GPATCH2: variants seen among roughly 807,000 people sequenced by gnomAD.
GPATCH2 encodes G-patch domain containing 2.
A neutral mutation model predicts 58.0 loss-of-function variants in GPATCH2; 51 were observed. That is an observed-to-expected ratio of 0.88 (90% CI 0.70 to 1.11). The LOEUF is 1.11. Ranked by LOEUF, GPATCH2 falls within the 50% of genes most tolerant of loss-of-function variation. The pLI is 0.00. For synonymous variants in GPATCH2, 222 were observed against 218.5 expected (o/e 1.02, Z -0.14); for missense variants, 625 against 652.2 (o/e 0.96, Z 0.45).
At chr1:217,553,672 T>A (rs773174496) in intron 5 of GPATCH2, among the ~76,000 whole-genome samples, 1 of 152,172 alleles carries the variant, frequency 6.6e-6, no homozygotes, top group African/African-American at 2.4e-5. Flanking sequence ...AAAGGAACAA[T>A]AAATGCATTC....
chr1:217,488,113 A>AT (rs1321853796), intron 8 of GPATCH2, among the ~76,000 whole-genome samples: 1 of 152,182 alleles, frequency 6.6e-6, no homozygotes. Flanking sequence ...AAAGGAATAT[A>AT]TTTTTTATGA....
intron 5 of GPATCH2, among the ~76,000 whole-genome samples, chr1:217,585,545 G>T (rs1166660992): frequency 6.6e-6 from 1 of 151,936 alleles, no homozygotes; most frequent in African/African-American, 2.4e-5. Flanking sequence ...GCTTGAACCT[G>T]GGAGGCAGAG....
chr1:217,543,381 T>C (rs1664855332), intron 5 of GPATCH2, among the ~76,000 whole-genome samples: 1 of 148,944 alleles, frequency 6.7e-6, no homozygotes, highest in Non-Finnish European at 1.5e-5. Context: ...GCCATTCTCC[T>C]GCCTCAGCCT....
chr1:217,519,749 A>T (rs1571849124), intron 5 of GPATCH2, among the ~76,000 whole-genome samples: 1 of 152,224 alleles, frequency 6.6e-6, no homozygotes, highest in African/African-American at 2.4e-5. Flanking sequence ...CTAGCACCTT[A>T]TGCAGCCACT....
chr1:217,567,132 C>T (rs1666286947), intron 5 of GPATCH2, among the ~76,000 whole-genome samples: 1 of 151,702 alleles, frequency 6.6e-6, no homozygotes, highest in Non-Finnish European at 1.5e-5. Context: ...CTGCAACCTC[C>T]ACCTCCTAGG....
At chr1:217,509,777 A>G (rs1662754232) in intron 6 of GPATCH2, among the ~76,000 whole-genome samples, 2 of 152,226 alleles carry the variant, frequency 1.3e-5, no homozygotes. Context: ...TTCAAAGTAC[A>G]AGACAAAGTT....
chr1:217,604,344 C>CAAA (rs199867558), intron 5 of GPATCH2, among the ~76,000 whole-genome samples: 7 of 102,524 alleles, frequency 6.8e-5, no homozygotes, highest in African/African-American at 2.3e-4. Flanking sequence ...GACTCCATCT[C>CAAA]AAAAAAAAAA....
chr1:217,620,437 G>C lies in GPATCH2; in HGVS notation c.119C>G (p.Ser40Ter). The C allele has an allele frequency of 6.2e-7, 1 of 1,614,012 alleles. No individual in the cohort carries two copies. The highest frequency in any genetic ancestry group is 8.5e-7 in the Non-Finnish European group (1 of 1,179,968). The change falls in exon 2 of 10, where the codon TCA becomes TGA. Residue 40 changes from serine (S) to a stop codon, truncating the protein, a stop_gained. Transcript: ENST00000366935. LOFTEE classifies it high-confidence loss of function. ...HDLVSALEESSEQARGGFAET... is the reference protein window; with the variant it reads ...HDLVSALEES ...AGCAAATCCACCTCGAGCTTGCTCT[G>C]AGCTCTCTTCCAATGCTGAGACAAG...
intron 5 of GPATCH2, 66 bp downstream of exon 5, chr1:217,610,255 G>T (rs1668557325): frequency 6.7e-7 from 1 of 1,491,362 alleles, no homozygotes; most frequent in Non-Finnish European, 9.3e-7. Flanking sequence ...TGAGGATGTG[G>T]CTTTTTATTC....
chr1:217,554,258 A>G (rs1001667529), intron 5 of GPATCH2, among the ~76,000 whole-genome samples: 1 of 152,192 alleles, frequency 6.6e-6, no homozygotes. Context: ...CAGAAAGTTC[A>G]AGATAGTGGC....
At chr1:217,584,410 T>C (rs963185394) in intron 5 of GPATCH2, among the ~76,000 whole-genome samples, 2 of 147,508 alleles carry the variant, frequency 1.4e-5, no homozygotes, top group African/African-American at 5.0e-5. Flanking sequence ...GCACCCGTAA[T>C]CCCAGCTACT....
At chr1:217,497,911 T>TA (rs1205043915) in intron 7 of GPATCH2, among the ~76,000 whole-genome samples, 1 of 152,148 alleles carries the variant, frequency 6.6e-6, no homozygotes, top group South Asian at 2.1e-4. Context: ...GTAAGAAATT[T>TA]AAAAAAATTC....
At position 217,620,307 on chromosome 1, in the gene GPATCH2, C is replaced by G; in HGVS notation, c.249G>C (p.Glu83Asp). Residue 83 changes from glutamate to aspartate, a missense_variant, in exon 2 of 10, where the codon GAG becomes GAC. Transcript: ENST00000366935. ...AGCCTTCACTTAAGCAGTGACCAGT[C>G]TCCCACGGGTGATGCACATTATACG... ...RRSYNVHHPW[E>D]TGHCLSEGSD... is the part of the protein sequence containing the mutation. 6.2e-7 allele frequency: 1 copy of G among 1,614,138 alleles called. No individual in the cohort carries two copies. Among genetic ancestry groups the G allele is most frequent in the Non-Finnish European group, 8.5e-7 (1 of 1,180,020 alleles).
chr1:217,591,217 ACATATG>A (rs966543638), intron 5 of GPATCH2, among the ~76,000 whole-genome samples: 2 of 152,200 alleles, frequency 1.3e-5, no homozygotes, highest in Non-Finnish European at 2.9e-5. Context: ...ATGAACATAT[ACATATG>A]CATATATATA....
intron 5 of GPATCH2, among the ~76,000 whole-genome samples, chr1:217,533,964 C>T (rs1263604609): frequency 1.3e-5 from 2 of 152,048 alleles, no homozygotes; most frequent in Non-Finnish European, 2.9e-5. Flanking sequence ...ACCTGTAATA[C>T]CAGCACTTTA....
intron 8 of GPATCH2, among the ~76,000 whole-genome samples, chr1:217,487,351 C>T (rs1458843068): frequency 6.6e-6 from 1 of 151,926 alleles, no homozygotes; most frequent in East Asian, 1.9e-4. Flanking sequence ...CTCCAATTAC[C>T]ATCTAATTGC....
chr1:217,611,969 T>A (rs1262389025), intron 3 of GPATCH2, among the ~76,000 whole-genome samples: 1 of 151,858 alleles, frequency 6.6e-6, no homozygotes. Context: ...CATTTGAGGT[T>A]AGGAGTTCCA....
At chr1:217,592,574 G>C (rs1186268677) in intron 5 of GPATCH2, among the ~76,000 whole-genome samples, 1 of 151,766 alleles carries the variant, frequency 6.6e-6, no homozygotes, top group Non-Finnish European at 1.5e-5. Context: ...GTAAAGAATG[G>C]GAAATGTTCA....
chr1:217,620,749 C>G (rs1242649628), intron 1 of GPATCH2, among the ~76,000 whole-genome samples: 1 of 152,078 alleles, frequency 6.6e-6, no homozygotes, highest in South Asian at 2.1e-4. Context: ...AATGAAAGAT[C>G]CCAGTATTTT....
Sources: gnomAD v4.1 joint callset for allele counts (sites outside exome capture counted in the v4.1 genomes callset) on GRCh38, gnomAD v4.1.1 for gene constraint, MANE v1.5 for transcripts, NCBI Gene and HGNC (gene_info 2026-07-23, HGNC 2026-07-21) for gene names.